The following EDN1 variants were observed in gnomAD, a reference collection of about 807,000 sequenced individuals.
EDN1 encodes the protein endothelin 1.
EDN1 carries 11 observed loss-of-function variants against 21.7 expected under a neutral mutation model. The observed-to-expected ratio is 0.51, with a 90% CI of 0.32 to 0.84. EDN1 has a LOEUF of 0.84. Ranked by LOEUF, EDN1 falls within the 40% of genes least tolerant of loss-of-function variation. The pLI, the probability that EDN1 is intolerant of heterozygous loss-of-function variation, is 0.03. For missense variants in EDN1, 244 were observed against 262.3 expected, an observed-to-expected ratio of 0.93 and a Z score of 0.48; for synonymous variants, 85 against 90.6, an observed-to-expected ratio of 0.94 and a Z score of 0.35.
chr6:12,283,796 T>C, the EDN1 span, among the ~76,000 whole-genome samples: 2 of 152,244 alleles, frequency 1.3e-5, no homozygotes, highest in Non-Finnish European at 2.9e-5. Flanking sequence ...TCACTGACAC[T>C]GCAAATCCAG....
At chr6:12,285,045 C>G in the EDN1 span, among the ~76,000 whole-genome samples, 4 of 152,244 alleles carry the variant, frequency 2.6e-5, no homozygotes, top group East Asian at 5.8e-4. Context: ...CTGGCTATCA[C>G]ATTTTTCTGA....
At chr6:12,237,551 G>T in the EDN1 span, among the ~76,000 whole-genome samples, 2 of 152,138 alleles carry the variant, frequency 1.3e-5, no homozygotes, top group African/African-American at 4.8e-5. Context: ...GTAAGCAAGA[G>T]ATTCTGACTT....
At chr6:12,274,416 C>G in the EDN1 span, among the ~76,000 whole-genome samples, 1 of 152,178 alleles carries the variant, frequency 6.6e-6, no homozygotes, top group Admixed American at 6.5e-5. Context: ...GGCATATTTA[C>G]TATATCATGG....
At chr6:12,276,698 G>A in the EDN1 span, among the ~76,000 whole-genome samples, 424 of 152,306 alleles carry the variant, frequency 2.8e-3, 3 homozygotes, top group Non-Finnish European at 5.3e-3. Flanking sequence ...CAGTCCAGAA[G>A]CATAGGGACA....
chr6:12,279,639 C>T, the EDN1 span, among the ~76,000 whole-genome samples: 5 of 152,292 alleles, frequency 3.3e-5, no homozygotes, highest in South Asian at 2.1e-4. Context: ...GCTCTTGTCC[C>T]GCAAGGACCT....
the EDN1 span, among the ~76,000 whole-genome samples, chr6:12,283,851 G>A: frequency 6.6e-6 from 1 of 152,154 alleles, no homozygotes; most frequent in African/African-American, 2.4e-5. Context: ...TCTTATCCAT[G>A]TGCTGTCCTT....
the EDN1 span, among the ~76,000 whole-genome samples, chr6:12,260,521 G>A: frequency 1.3e-5 from 2 of 152,046 alleles, no homozygotes; most frequent in East Asian, 3.9e-4. Flanking sequence ...GATTTCTGCA[G>A]TAACAAATGA....
chr6:12,236,730 C>G, the EDN1 span, among the ~76,000 whole-genome samples: 1 of 150,530 alleles, frequency 6.6e-6, no homozygotes, highest in Non-Finnish European at 1.5e-5. Flanking sequence ...GCTCAAGTGA[C>G]AGTCCAAGTA....
chr6:12,285,814 C>T (rs1325619652), upstream of EDN1, among the ~76,000 whole-genome samples: 2 of 152,190 alleles, frequency 1.3e-5, no homozygotes, highest in Non-Finnish European at 2.9e-5. Flanking sequence ...AGGTGATCCA[C>T]TTGCCTCGGC....
the EDN1 span, among the ~76,000 whole-genome samples, chr6:12,282,547 G>A: frequency 6.6e-6 from 1 of 152,128 alleles, no homozygotes; most frequent in Admixed American, 6.5e-5. Flanking sequence ...GTTGAGAATG[G>A]GGCCAGGGCT....
upstream of EDN1, among the ~76,000 whole-genome samples, chr6:12,290,025 T>G: frequency 6.6e-6 from 1 of 152,138 alleles, no homozygotes; most frequent in East Asian, 1.9e-4. Flanking sequence ...ATGGTATGAC[T>G]TTTTTTCTGG....
chr6:12,285,407 TTTGAAAGTTATC>T (rs2113787821), upstream of EDN1, among the ~76,000 whole-genome samples: 1 of 152,236 alleles, frequency 6.6e-6, no homozygotes. Flanking sequence ...GTGTGGAATA[TTTGAAAGTTATC>T]TTGAAAGTAA....
At chr6:12,286,570 A>G (rs1762561081), upstream of EDN1, among the ~76,000 whole-genome samples, 1 of 152,230 alleles carries the variant, frequency 6.6e-6, no homozygotes. Flanking sequence ...AACGACTGTT[A>G]GCTTTGCTGA....
the EDN1 span, among the ~76,000 whole-genome samples, chr6:12,240,463 G>A: frequency 6.6e-6 from 1 of 152,178 alleles, no homozygotes. Context: ...TGGGAGAAAT[G>A]TTTGTTTATA....
At chr6:12,270,858 C>T in the EDN1 span, among the ~76,000 whole-genome samples, 2 of 152,318 alleles carry the variant, frequency 1.3e-5, no homozygotes, top group African/African-American at 4.8e-5. Flanking sequence ...CTGTCCATTG[C>T]TGAAAGCAGG....
At chr6:12,243,445 T>A in the EDN1 span, among the ~76,000 whole-genome samples, 2 of 151,988 alleles carry the variant, frequency 1.3e-5, no homozygotes, top group Non-Finnish European at 2.9e-5. Context: ...TTAATGAAAA[T>A]CCTTGTGCAA....
At chr6:12,252,078 G>T in the EDN1 span, among the ~76,000 whole-genome samples, 3 of 152,190 alleles carry the variant, frequency 2.0e-5, no homozygotes, top group South Asian at 2.1e-4. Flanking sequence ...AAATGTGTAT[G>T]TGTAAGGATG....
chr6:12,254,682 T>A, the EDN1 span, among the ~76,000 whole-genome samples: 4 of 151,880 alleles, frequency 2.6e-5, no homozygotes, highest in African/African-American at 9.7e-5. Flanking sequence ...AGAAAATAAA[T>A]CAGAAAGTAG....
chr6:12,289,124 G>A (rs1349923413), upstream of EDN1, among the ~76,000 whole-genome samples: 1 of 152,180 alleles, frequency 6.6e-6, no homozygotes, highest in Non-Finnish European at 1.5e-5. Context: ...TAACTGCCCT[G>A]TGTGTACTTC....
Sources: gnomAD v4.1 joint callset for allele counts (sites outside exome capture counted in the v4.1 genomes callset) on GRCh38, gnomAD v4.1.1 for gene constraint, MANE v1.5 for transcripts, NCBI Gene and HGNC (gene_info 2026-07-23, HGNC 2026-07-21) for gene names.